The following HS6ST3 variants were observed in gnomAD, a reference collection of about 807,000 sequenced individuals.
HS6ST3 encodes the protein heparan sulfate 6-O-sulfotransferase 3, also known as heparan-sulfate 6-O-sulfotransferase 3.
In HS6ST3, 12 loss-of-function variants were observed where a neutral mutation model predicts 36.7. The ratio of observed to expected loss-of-function variants is 0.33; its 90% confidence interval spans 0.21 to 0.53. HS6ST3 has a LOEUF of 0.53. HS6ST3 is among the 20% of genes least tolerant of loss of function. The probability of loss-of-function intolerance (pLI) is 0.95; values close to 1 mark genes in which losing one functional copy is unlikely to be tolerated. For missense variants in HS6ST3, 584 were observed against 640.9 expected (o/e 0.91, Z 0.96); for synonymous variants, 240 against 257.5 (o/e 0.93, Z 0.65).
At chr13:96,229,046 T>C (rs994167097) in intron 1 of HS6ST3, among the ~76,000 whole-genome samples, 4 of 152,170 alleles carry the variant, frequency 2.6e-5, no homozygotes, top group African/African-American at 9.6e-5. Context: ...GGTTTCAAGT[T>C]ATCATAAGGG....
chr13:96,151,063 C>T (rs181692869), intron 1 of HS6ST3, among the ~76,000 whole-genome samples: 5 of 152,072 alleles, frequency 3.3e-5, no homozygotes, highest in African/African-American at 9.6e-5. Context: ...AAATTGATGG[C>T]GGGACATCCA....
At chr13:96,351,389 A>T (rs1333045936) in intron 1 of HS6ST3, among the ~76,000 whole-genome samples, 1 of 149,488 alleles carries the variant, frequency 6.7e-6, no homozygotes, top group East Asian at 2.0e-4. Flanking sequence ...TGGCATGATC[A>T]TGGCTTACTG....
At chr13:96,279,205 C>T (rs1241263094) in intron 1 of HS6ST3, among the ~76,000 whole-genome samples, 2 of 152,120 alleles carry the variant, frequency 1.3e-5, no homozygotes, top group African/African-American at 4.8e-5. Flanking sequence ...TGGTGAATGT[C>T]ACAAACAGAA....
At chr13:96,214,302 A>C (rs1160905460) in intron 1 of HS6ST3, among the ~76,000 whole-genome samples, 1 of 152,082 alleles carries the variant, frequency 6.6e-6, no homozygotes, top group Non-Finnish European at 1.5e-5. Context: ...GCTGTTGTAC[A>C]AAGGAATTGC....
At chr13:96,539,221 A>G (rs929051890) in intron 1 of HS6ST3, among the ~76,000 whole-genome samples, 7 of 152,208 alleles carry the variant, frequency 4.6e-5, no homozygotes, top group African/African-American at 1.7e-4. Context: ...CTGTCAGTTT[A>G]TGTTCTCTCC....
At chr13:96,159,591 G>A (rs1323908389) in intron 1 of HS6ST3, among the ~76,000 whole-genome samples, 1 of 152,176 alleles carries the variant, frequency 6.6e-6, no homozygotes, top group Non-Finnish European at 1.5e-5. Context: ...TGGTGTTTAT[G>A]TCCTACTGGT....
chr13:96,613,815 T>C (rs2056464165), intron 1 of HS6ST3, among the ~76,000 whole-genome samples: 1 of 152,198 alleles, frequency 6.6e-6, no homozygotes, highest in Non-Finnish European at 1.5e-5. Context: ...AGAGGGCTTG[T>C]CTGTAAAATT....
chr13:96,422,071 T>C (rs1474367643), intron 1 of HS6ST3, among the ~76,000 whole-genome samples: 1 of 152,242 alleles, frequency 6.6e-6, no homozygotes, highest in Non-Finnish European at 1.5e-5. Flanking sequence ...TTTAACACTA[T>C]TTATCTTAGA....
At chr13:96,619,519 A>G (rs2056486599) in intron 1 of HS6ST3, among the ~76,000 whole-genome samples, 1 of 152,202 alleles carries the variant, frequency 6.6e-6, no homozygotes, top group Non-Finnish European at 1.5e-5. Context: ...ACCAAATTTT[A>G]ATACCTTCTG....
chr13:96,672,338 A>C (rs1400607689), intron 1 of HS6ST3, among the ~76,000 whole-genome samples: 1 of 152,174 alleles, frequency 6.6e-6, no homozygotes, highest in African/African-American at 2.4e-5. Flanking sequence ...TTACTTTGTT[A>C]CTTTGCTTAA....
At chr13:96,389,137 A>C (rs982323124) in intron 1 of HS6ST3, among the ~76,000 whole-genome samples, 6 of 152,202 alleles carry the variant, frequency 3.9e-5, no homozygotes, top group African/African-American at 1.4e-4. Context: ...TATATACTAG[A>C]CTTGCTATAT....
intron 1 of HS6ST3, among the ~76,000 whole-genome samples, chr13:96,111,093 T>C (rs182099659): frequency 3.2e-4 from 48 of 152,272 alleles, no homozygotes; most frequent in Non-Finnish European, 2.2e-4. Flanking sequence ...AAAAATAAAA[T>C]TAAAATTCTA....
At chr13:96,241,652 G>A (rs1356724919) in intron 1 of HS6ST3, among the ~76,000 whole-genome samples, 2 of 149,662 alleles carry the variant, frequency 1.3e-5, no homozygotes, top group Non-Finnish European at 3.0e-5. Flanking sequence ...TTGCAGAGAT[G>A]TGTGATAAGG....
chr13:96,806,863 A>T (rs1042910532), intron 1 of HS6ST3, among the ~76,000 whole-genome samples: 1 of 152,172 alleles, frequency 6.6e-6, no homozygotes, highest in African/African-American at 2.4e-5. Context: ...TTATAAGCTG[A>T]TATATGCCAA....
chr13:96,584,162 A>C (rs2056352466), intron 1 of HS6ST3, among the ~76,000 whole-genome samples: 1 of 152,044 alleles, frequency 6.6e-6, no homozygotes, highest in South Asian at 2.1e-4. Context: ...TTTGAGACAG[A>C]GTTTCGCTCT....
At chr13:96,794,552 C>T (rs1164102186) in intron 1 of HS6ST3, among the ~76,000 whole-genome samples, 1 of 152,030 alleles carries the variant, frequency 6.6e-6, no homozygotes, top group African/African-American at 2.4e-5. Flanking sequence ...TTCTATTTGA[C>T]AAATTACTCT....
At chr13:96,684,247 C>T (rs970737409) in intron 1 of HS6ST3, among the ~76,000 whole-genome samples, 1 of 151,838 alleles carries the variant, frequency 6.6e-6, no homozygotes. Context: ...TCTTAATGTA[C>T]CTTTTCATTG....
intron 1 of HS6ST3, among the ~76,000 whole-genome samples, chr13:96,739,028 G>T (rs765797017): frequency 6.6e-6 from 1 of 152,024 alleles, no homozygotes; most frequent in Non-Finnish European, 1.5e-5. Context: ...AGCATTAAAC[G>T]CAACTGTCAT....
intron 1 of HS6ST3, among the ~76,000 whole-genome samples, chr13:96,247,092 G>A (rs974083263): frequency 3.7e-4 from 57 of 152,184 alleles, no homozygotes; most frequent in African/African-American, 1.4e-3. Flanking sequence ...ATTGTGGAAA[G>A]CAAATCAGAC....
Sources: allele counts gnomAD v4.1 joint callset (sites outside exome capture counted in the v4.1 genomes callset), GRCh38; gene constraint gnomAD v4.1.1; transcripts MANE v1.5; gene names NCBI Gene and HGNC (gene_info 2026-07-23, HGNC 2026-07-21).